Variants in EXT1 observed in about 807,000 individuals in gnomAD.
EXT1 encodes exostosin glycosyltransferase 1.
EXT1 carries 20 observed loss-of-function variants against 82.5 expected under a neutral mutation model. The observed-to-expected ratio is 0.24, with a 90% CI of 0.17 to 0.35. The LOEUF is 0.35. Among genes scored for constraint, EXT1 ranks in the 10% least tolerant of loss-of-function variants. The pLI, the probability that EXT1 is intolerant of heterozygous loss-of-function variation, is 1.00. For synonymous variants in EXT1, 348 were observed against 350.8 expected (o/e 0.99, Z 0.09); for missense variants, 757 against 936.5 (o/e 0.81, Z 2.50).
At chr8:118,108,942 G>C (rs1817842863) in intron 1 of EXT1, among the ~76,000 whole-genome samples, 1 of 152,074 alleles carries the variant, frequency 6.6e-6, no homozygotes, top group African/African-American at 2.4e-5. Flanking sequence ...TCCTTCCCTG[G>C]GTAGCACAAG....
intron 1 of EXT1, among the ~76,000 whole-genome samples, chr8:117,974,405 T>C (rs1038742141): frequency 6.6e-6 from 1 of 152,202 alleles, no homozygotes; most frequent in East Asian, 1.9e-4. Context: ...ATCTGCTCCA[T>C]GGCTTCACAA....
intron 1 of EXT1, among the ~76,000 whole-genome samples, chr8:117,922,114 T>C (rs567197702): frequency 6.6e-6 from 1 of 152,204 alleles, no homozygotes; most frequent in Admixed American, 6.5e-5. Flanking sequence ...AGGTGGCCCC[T>C]TTTGCTTGAA....
At chr8:118,011,349 G>A (rs1399214707) in intron 1 of EXT1, among the ~76,000 whole-genome samples, 1 of 152,198 alleles carries the variant, frequency 6.6e-6, no homozygotes, top group Non-Finnish European at 1.5e-5. Flanking sequence ...AACGTAGTAG[G>A]CACCCACTAA....
At chr8:118,085,152 G>A (rs1235337675) in intron 1 of EXT1, among the ~76,000 whole-genome samples, 1 of 152,102 alleles carries the variant, frequency 6.6e-6, no homozygotes, top group Non-Finnish European at 1.5e-5. Flanking sequence ...GAGAGAGGTG[G>A]GTAAATTCAA....
chr8:118,031,074 T>C (rs990004255), intron 1 of EXT1, among the ~76,000 whole-genome samples: 3 of 151,684 alleles, frequency 2.0e-5, no homozygotes, highest in Non-Finnish European at 4.4e-5. Context: ...AGCCTGGGAG[T>C]GGATGGTCTA....
chr8:118,090,761 A>G (rs1373256307), intron 1 of EXT1, among the ~76,000 whole-genome samples: 3 of 122,296 alleles, frequency 2.5e-5, no homozygotes, highest in Non-Finnish European at 4.9e-5. Flanking sequence ...CCTGGGTGAG[A>G]CAGTGAGATT....
intron 1 of EXT1, among the ~76,000 whole-genome samples, chr8:117,840,957 C>T (rs1812265918): frequency 6.6e-6 from 1 of 152,308 alleles, no homozygotes; most frequent in South Asian, 2.1e-4. Flanking sequence ...ACCCTTCATA[C>T]ATTTCTAGCA....
intron 4 of EXT1, among the ~76,000 whole-genome samples, chr8:117,824,375 A>G (rs986697075): frequency 1.3e-5 from 2 of 152,212 alleles, no homozygotes; most frequent in Non-Finnish European, 2.9e-5. Context: ...ATAATAAGAT[A>G]TAGCACTCTT....
At chr8:117,990,122 G>C (rs1815403201) in intron 1 of EXT1, among the ~76,000 whole-genome samples, 1 of 152,064 alleles carries the variant, frequency 6.6e-6, no homozygotes, top group South Asian at 2.1e-4. Flanking sequence ...GTTATGAGCA[G>C]AGATTGCACC....
At chr8:118,027,120 A>C (rs1816216999) in intron 1 of EXT1, among the ~76,000 whole-genome samples, 1 of 152,188 alleles carries the variant, frequency 6.6e-6, no homozygotes, top group African/African-American at 2.4e-5. Context: ...TCATAAACTG[A>C]CTTTCTGTGA....
chr8:117,965,417 C>T (rs1349997258), intron 1 of EXT1, among the ~76,000 whole-genome samples: 1 of 151,868 alleles, frequency 6.6e-6, no homozygotes, highest in African/African-American at 2.4e-5. Flanking sequence ...CTAAATATTT[C>T]CATTTAGTGT....
intron 1 of EXT1, among the ~76,000 whole-genome samples, chr8:117,938,908 C>A (rs958488111): frequency 1.3e-4 from 20 of 152,200 alleles, no homozygotes; most frequent in Admixed American, 1.2e-3. Flanking sequence ...AGCACTCCAT[C>A]CTAGCACACA....
At chr8:118,107,879 C>A (rs943104888) in intron 1 of EXT1, among the ~76,000 whole-genome samples, 1 of 152,080 alleles carries the variant, frequency 6.6e-6, no homozygotes, top group African/African-American at 2.4e-5. Context: ...GGAAGGTATG[C>A]CAAAGGGGAA....
At chr8:118,039,096 T>G (rs1029388696) in intron 1 of EXT1, among the ~76,000 whole-genome samples, 1 of 152,228 alleles carries the variant, frequency 6.6e-6, no homozygotes, top group African/African-American at 2.4e-5. Context: ...TCCAGTCACC[T>G]GGGACACTCA....
chr8:117,809,245 T>TATATATATATATATATATGTATATATA (rs1563874289), intron 8 of EXT1, among the ~76,000 whole-genome samples: 8 of 66,080 alleles, frequency 1.2e-4, no homozygotes, highest in African/African-American at 3.1e-4. Flanking sequence ...ATATATATAT[T>TATATATATATATATATATGTATATATA]ATGTTCTATT....
intron 1 of EXT1, among the ~76,000 whole-genome samples, chr8:118,084,951 G>A (rs989406496): frequency 6.6e-6 from 1 of 152,198 alleles, no homozygotes; most frequent in Non-Finnish European, 1.5e-5. Context: ...ATTCGGGCTG[G>A]GGGCCTAAAG....
intron 1 of EXT1, among the ~76,000 whole-genome samples, chr8:118,104,914 T>C (rs1261971294): frequency 6.6e-6 from 1 of 152,190 alleles, no homozygotes; most frequent in African/African-American, 2.4e-5. Flanking sequence ...TCATTCTGAA[T>C]ATGCAGTGCT....
At position 117,879,478 on chromosome 8, in the gene EXT1, A is replaced by C. The variant is rs540891198; in HGVS notation, c.963-42277T>G. ...GGAACTCTATAATGTGGAAGACTACATTCTATATTTTATTTTGTAGCTAGT... is the reference window on the plus strand; with the variant it reads ...GGAACTCTATAATGTGGAAGACTACCTTCTATATTTTATTTTGTAGCTAGT... On this transcript the variant is annotated intron_variant, in intron 1 of 10. Coordinates refer to ENST00000378204, the MANE Select transcript of EXT1 (RefSeq NM_000127.3). Among the ~76,000 whole-genome samples the C allele has an allele frequency of 2.9e-4, 44 of 152,212 alleles. No homozygotes were observed. In the East Asian group the frequency reaches 3.5e-3, roughly 12 times the overall value.
At chr8:117,923,893 A>G (rs939801940) in intron 1 of EXT1, among the ~76,000 whole-genome samples, 24 of 152,204 alleles carry the variant, frequency 1.6e-4, no homozygotes, top group African/African-American at 5.8e-4. Context: ...TGAGTTCACC[A>G]ATCAATTAGT....
Sources: gnomAD v4.1 joint callset for allele counts (sites outside exome capture counted in the v4.1 genomes callset) on GRCh38, gnomAD v4.1.1 for gene constraint, MANE v1.5 for transcripts, NCBI Gene and HGNC (gene_info 2026-07-23, HGNC 2026-07-21) for gene names.